The following FOCAD variants were observed in gnomAD, a reference collection of about 807,000 sequenced individuals.
FOCAD encodes KIAA1797.
In FOCAD, 198 loss-of-function variants were observed where a neutral mutation model predicts 225.6. That is an observed-to-expected ratio of 0.88 (90% confidence interval 0.78 to 0.99). The LOEUF is 0.99. Among genes scored for constraint, FOCAD ranks in the 50% least tolerant of loss-of-function variants. The probability of loss-of-function intolerance (pLI) is 0.00; values close to 1 mark genes in which losing one functional copy is unlikely to be tolerated. For missense variants in FOCAD, 2,713 were observed against 2,123.6 expected, an observed-to-expected ratio of 1.28 and a Z score of -5.46; for synonymous variants, 897 against 755.0, an observed-to-expected ratio of 1.19 and a Z score of -3.08.
In FOCAD at chr9:20,740,333, A is replaced by G. The variant is rs1827505484; in HGVS notation, c.385A>G (p.Thr129Ala). ...GGEKNIQSIY[T>A]IRNHPHPLIT... ...GGAAAAGAATATTCAGAGTATATAT[A>G]CCATTAGGTAAGCCTTTTTTCTGTT... is the stretch of plus-strand genomic sequence containing the variant. Residue 129 changes from threonine to alanine, a missense_variant, in exon 5 of 44, where the codon ACC (threonine) becomes GCC (alanine). Thr to Ala is a moderately conservative substitution (Grantham distance 58). Transcript: ENST00000338382. 6 of 1,553,058 alleles carry G rather than the reference A, an allele frequency of 3.9e-6. No individual in the cohort carries two copies. Among genetic ancestry groups the G allele is most frequent in the South Asian group, 3.6e-5 (3 of 83,190 alleles).
intron 11 of FOCAD, among the ~76,000 whole-genome samples, chr9:20,792,515 C>A: frequency 6.6e-6 from 1 of 152,130 alleles, no homozygotes; most frequent in East Asian, 1.9e-4. Context: ...AAACTCAGTG[C>A]CTCTTTCAAA....
At chr9:20,753,590 A>G (rs1587022873) in intron 5 of FOCAD, among the ~76,000 whole-genome samples, 2 of 152,028 alleles carry the variant, frequency 1.3e-5, no homozygotes, top group South Asian at 2.1e-4. Context: ...TTTTGCATCA[A>G]TGTTCATCAA....
chr9:20,776,328 T>C (rs1455952208), intron 8 of FOCAD, among the ~76,000 whole-genome samples: 1 of 152,200 alleles, frequency 6.6e-6, no homozygotes, highest in Non-Finnish European at 1.5e-5. Flanking sequence ...GGGAGAACCA[T>C]TAGGTTGCAC....
intron 31 of FOCAD, 122 bp from the exon 32 acceptor site, chr9:20,948,729 A>T: frequency 9.8e-7 from 1 of 1,019,118 alleles, no homozygotes; most frequent in Non-Finnish European, 1.5e-6. Flanking sequence ...TATACAGGTT[A>T]CGTTGACCCT....
At chr9:20,666,501 C>T (rs920973395) in intron 2 of FOCAD, among the ~76,000 whole-genome samples, 6 of 152,044 alleles carry the variant, frequency 3.9e-5, no homozygotes, top group African/African-American at 1.2e-4. Flanking sequence ...GCCCAGGAGG[C>T]AGAGGTTGCA....
At chr9:20,755,228 G>A (rs983138227) in intron 5 of FOCAD, among the ~76,000 whole-genome samples, 1 of 152,246 alleles carries the variant, frequency 6.6e-6, no homozygotes, top group South Asian at 2.1e-4. Flanking sequence ...TAATTATCCA[G>A]ATGTCTAAAT....
chr9:20,796,834 T>G (rs905391252), intron 11 of FOCAD, among the ~76,000 whole-genome samples: 1 of 151,786 alleles, frequency 6.6e-6, no homozygotes, highest in Non-Finnish European at 1.5e-5. Context: ...ATCCCATTTG[T>G]CAATTTTGGC....
At chr9:20,954,898 A>T (rs1837996622) in intron 35 of FOCAD, among the ~76,000 whole-genome samples, 1 of 152,210 alleles carries the variant, frequency 6.6e-6, no homozygotes, top group South Asian at 2.1e-4. Flanking sequence ...GCCCATTTAC[A>T]AAAACAAAAC....
In FOCAD at chr9:20,866,888, C is replaced by T. The variant is rs932518616; in HGVS notation, c.2107-41C>T. On this transcript the variant is annotated intron_variant, in intron 17 of 43. Coordinates refer to ENST00000338382, the MANE Select transcript of FOCAD (RefSeq NM_001375567.1). ...CATGTTGTGTTTTTTTGTTTGCTTG[C>T]TTTTTTTTTTTTTTTTTTTTTTTTT... 2.9e-4 allele frequency: 100 copies of T among 342,076 alleles called. 1 individual carries two copies. Among genetic ancestry groups the T allele is most frequent in the African/African-American group, 5.7e-4 (8 of 13,948 alleles). 21.2% of individuals were successfully genotyped at this position (342,076 alleles called of 1,614,324 possible). A position where few individuals can be genotyped will look rare whatever the true frequency, so the allele number is the denominator to read the frequency against.
chr9:20,822,875 T>C, intron 14 of FOCAD, 114 bp from the exon 15 acceptor site: 3 of 930,854 alleles, frequency 3.2e-6, no homozygotes, highest in Non-Finnish European at 4.4e-6. Context: ...AGGGTCACCA[T>C]TTAGTGGCAC....
chr9:20,791,219 G>GCACACACACACA (rs563531943), intron 11 of FOCAD, among the ~76,000 whole-genome samples: 3 of 106,714 alleles, frequency 2.8e-5, no homozygotes, highest in Non-Finnish European at 5.9e-5. Context: ...ATATATGCAT[G>GCACACACACACA]CACACACACA....
chr9:20,822,874 A>G, intron 14 of FOCAD, 115 bp from the exon 15 acceptor site: 1 of 922,670 alleles, frequency 1.1e-6, no homozygotes, highest in African/African-American at 1.7e-5. Context: ...GAGGGTCACC[A>G]TTTAGTGGCA....
intron 37 of FOCAD, among the ~76,000 whole-genome samples, chr9:20,979,657 C>G (rs1164039913): frequency 6.6e-6 from 1 of 151,920 alleles, no homozygotes; most frequent in Non-Finnish European, 1.5e-5. Context: ...TTTTTTTAAA[C>G]CTTTCCTACT....
At chr9:20,963,383 A>G (rs1036853337) in intron 35 of FOCAD, among the ~76,000 whole-genome samples, 1 of 152,202 alleles carries the variant, frequency 6.6e-6, no homozygotes, top group African/African-American at 2.4e-5. Context: ...ACGTCTGGAA[A>G]ATGGTCATAT....
intron 42 of FOCAD, among the ~76,000 whole-genome samples, chr9:20,992,635 C>T (rs965044574): frequency 1.3e-5 from 2 of 152,066 alleles, no homozygotes; most frequent in Non-Finnish European, 1.5e-5. Flanking sequence ...CACAGGAGGC[C>T]CTCTGGGCCC....
intron 2 of FOCAD, among the ~76,000 whole-genome samples, chr9:20,665,847 A>G (rs1055889993): frequency 1.3e-5 from 2 of 152,032 alleles, no homozygotes; most frequent in Admixed American, 1.3e-4. Flanking sequence ...CCTGGCCAAC[A>G]TGGTGAAACC....
chr9:20,674,379 C>T (rs1822165946), intron 2 of FOCAD, among the ~76,000 whole-genome samples: 1 of 152,044 alleles, frequency 6.6e-6, no homozygotes, highest in Non-Finnish European at 1.5e-5. Flanking sequence ...GTATTTATAC[C>T]ATGGAAGTTG....
chr9:20,983,300 G>A (rs943077955), intron 39 of FOCAD, among the ~76,000 whole-genome samples: 14 of 152,098 alleles, frequency 9.2e-5, no homozygotes, highest in African/African-American at 3.1e-4. Context: ...GGGGCCAGGT[G>A]CGGTGGCTCA....
intron 1 of FOCAD, among the ~76,000 whole-genome samples, chr9:20,703,038 T>C (rs1248118680): frequency 1.3e-5 from 2 of 152,026 alleles, no homozygotes; most frequent in Non-Finnish European, 2.9e-5. Flanking sequence ...GGTCCCTGCC[T>C]TAAAGAGTTT....
Sources: allele counts gnomAD v4.1 joint callset (sites outside exome capture counted in the v4.1 genomes callset), GRCh38; gene constraint gnomAD v4.1.1; transcripts MANE v1.5; gene names NCBI Gene and HGNC (gene_info 2026-07-23, HGNC 2026-07-21).